CLASRP: variants seen among roughly 807,000 people sequenced by gnomAD.
CLASRP encodes CLK4-associating serine/arginine rich protein.
CLASRP carries 52 observed loss-of-function variants against 99.9 expected under a neutral mutation model. That is an observed-to-expected ratio of 0.52 (90% CI 0.42 to 0.66). The LOEUF (loss-of-function observed/expected upper bound fraction) is 0.66, where lower values mean the gene tolerates loss of function less well. Ranked by LOEUF, CLASRP falls within the 30% of genes least tolerant of loss-of-function variation. The pLI is 0.00. For missense variants in CLASRP, 848 were observed against 999.2 expected (o/e 0.85, Z 2.04); for synonymous variants, 379 against 373.0 (o/e 1.02, Z -0.18).
rs550707089 is a variant in CLASRP at position 45,046,749 on chromosome 19, C to G, written c.100-5322C>G. Among the ~76,000 whole-genome samples, 154 of 152,306 alleles carry G rather than the reference C, an allele frequency of 1.0e-3. 1 individual carries two copies. Among genetic ancestry groups the G allele is most frequent in the African/African-American group, 3.6e-3 (149 of 41,560 alleles). ...CAGTGGTTAAGAGTTGGTTTTGGGC[C>G]GGGCGCGGTAGCTCACGCCTGTAAT... On this transcript the variant is annotated intron_variant, in intron 2 of 20. Coordinates refer to ENST00000221455, the MANE Select transcript of CLASRP (RefSeq NM_007056.3).
At chr19:45,070,175 AC>A in intron 19 of CLASRP, 71 bp downstream of exon 19, 1 of 1,026,018 alleles carries the variant, frequency 9.7e-7, no homozygotes, top group South Asian at 1.3e-5. Flanking sequence ...TACCAAAAAA[AC>A]CATAGTACAG....
In CLASRP at chr19:45,069,116, G is replaced by A. The variant is rs1359285581; in HGVS notation, c.1819G>A (p.Glu607Lys). Residue 607 changes from glutamate to lysine, a missense_variant, in exon 17 of 21, where the codon GAG becomes AAG. Glu to Lys is a moderately conservative substitution (Grantham distance 56). Coordinates refer to ENST00000221455, the MANE Select transcript of CLASRP (RefSeq NM_007056.3). ...AQEKMIQQEH[E>K]RQEREDELRA... ...AGAAAAGATGATCCAGCAGGAGCATGAGCGGCAGGTGAAGTGGGAAAGGGA... is the reference window on the plus strand; with the variant it reads ...AGAAAAGATGATCCAGCAGGAGCATAAGCGGCAGGTGAAGTGGGAAAGGGA... 7 of 1,614,076 alleles carry A rather than the reference G, an allele frequency of 4.3e-6. No individual in the cohort carries two copies. The highest frequency in any genetic ancestry group is 1.3e-5 in the African/African-American group (1 of 74,944).
rs58669276 is a variant in CLASRP, at chr19:45,043,195, T to TTGTGTGTGTGTGTGTG, written c.99+2910_99+2925dup. ...CCAAGCACTTCAGATAAGGAATACT[T>TTGTGTGTGTGTGTGTG]TGTGTGTGTGTGTGTGTGTGTGTGT... is the stretch of plus-strand genomic sequence containing the variant. On this transcript the variant is annotated intron_variant, in intron 2 of 20. Coordinates refer to ENST00000221455, the MANE Select transcript of CLASRP (RefSeq NM_007056.3). Among the ~76,000 whole-genome samples, 48 of 134,748 alleles carry TTGTGTGTGTGTGTGTG rather than the reference T, an allele frequency of 3.6e-4. No homozygotes were observed. In the Middle Eastern group the frequency reaches 0.026, roughly 72 times the overall value. The allele number at this position is 134,748 out of a possible 152,430, so 88.4% of individuals were successfully genotyped here.
At position 45,052,891 on chromosome 19, in the gene CLASRP, A is replaced by G. The variant is rs758810153; in HGVS notation, c.298A>G (p.Ile100Val). The change falls in exon 4 of 21, where the codon ATC becomes GTC. Residue 100 changes from isoleucine to valine, a missense_variant and splice_region_variant. Around this residue, in one of 8 missense-constraint regions of CLASRP, gnomAD observed 54 missense variants for 38.7 expected, o/e 1.39. Transcript: ENST00000221455. ...PDYTPPLLTT[I>V]SPEQESDERK... ...CTACACCCCCCCTCTGCTCACCACC[A>G]TGTAAGCCACCTCCCAGGGGGTTGC... 1 of 1,601,712 alleles carries G rather than the reference A, an allele frequency of 6.2e-7. No individual in the cohort carries two copies. The highest frequency in any genetic ancestry group is 8.5e-7 in the Non-Finnish European group (1 of 1,175,036).
chr19:45,053,018 A>T (rs1183609736), intron 4 of CLASRP, 80 bp from the exon 5 acceptor site: 5 of 1,551,262 alleles, frequency 3.2e-6, no homozygotes, highest in Non-Finnish European at 4.4e-6. Context: ...CCTGAGGGGG[A>T]TGCCTCATTT....
intron 2 of CLASRP, among the ~76,000 whole-genome samples, chr19:45,048,319 G>A (rs1182745172): frequency 6.7e-6 from 1 of 150,330 alleles, no homozygotes; most frequent in Non-Finnish European, 1.5e-5. Context: ...GGTGGATCAC[G>A]AGGTCAGGAG....
At position 45,067,517 on chromosome 19, in the gene CLASRP, G is replaced by T; in HGVS notation, c.1590G>T (p.Gln530His). ...QSRSRSRSRS[Q>H]SPSPSPAREK... ...GCAGCCGCAGCCGCAGCCGCAGCCA[G>T]AGCCCCTCGCCATCACCCGCAAGAG... The change falls in exon 14 of 21, where the codon CAG becomes CAT. Residue 530 changes from glutamine to histidine, a missense_variant. Gln to His is a conservative substitution (Grantham distance 24). Transcript: ENST00000221455. The surrounding 1 kb of genome is among the most constrained non-coding windows in gnomAD (Gnocchi z 4.9). 6.3e-7 allele frequency: 1 copy of T among 1,598,414 alleles called. No homozygotes were observed.
In CLASRP at chr19:45,067,600, C is replaced by G; in HGVS notation, c.1667+6C>G. ...GTGGGCGAGAAGCTGAAAAAGTGAG[C>G]GGGGCGGGTCTGGAGGAAGAGGGCT... is the stretch of plus-strand genomic sequence containing the variant. On this transcript the variant is annotated splice_donor_region_variant and intron_variant, in intron 14 of 20. Coordinates refer to ENST00000221455, the MANE Select transcript of CLASRP (RefSeq NM_007056.3). This position sits in a 1 kb window ranked among gnomAD's most constrained non-coding sequence, Gnocchi z 4.9. The G allele has an allele frequency of 6.3e-7, 1 of 1,583,614 alleles. No individual in the cohort carries two copies. The highest frequency in any genetic ancestry group is 1.1e-5 in the South Asian group (1 of 88,626).
In CLASRP at chr19:45,067,677, C is replaced by T. The variant is rs1207515302; in HGVS notation, c.1667+83C>T. ...ATCACTGTTTTCTTTTTGAGGGGAA[C>T]TTAGCCCTACCCTGGGAGGTCTGGG... On this transcript the variant is annotated intron_variant, in intron 14 of 20. Coordinates refer to ENST00000221455, the MANE Select transcript of CLASRP (RefSeq NM_007056.3). The surrounding 1 kb of genome is among the most constrained non-coding windows in gnomAD (Gnocchi z 4.9). 2.3e-6 allele frequency: 3 copies of T among 1,306,978 alleles called. No homozygotes were observed. The highest frequency in any genetic ancestry group is 3.1e-6 in the Non-Finnish European group (3 of 954,978). 81.0% of individuals were successfully genotyped at this position (1,306,978 alleles called of 1,614,324 possible).
At chr19:45,061,731 C>G (rs970037425) in intron 10 of CLASRP, among the ~76,000 whole-genome samples, 1 of 152,116 alleles carries the variant, frequency 6.6e-6, no homozygotes, top group South Asian at 2.1e-4. Flanking sequence ...ACCTCAGCCT[C>G]CCAGAGTGCT....
At chr19:45,046,901 C>G (rs1345569125) in intron 2 of CLASRP, among the ~76,000 whole-genome samples, 1 of 152,140 alleles carries the variant, frequency 6.6e-6, no homozygotes, top group Non-Finnish European at 1.5e-5. Flanking sequence ...GTGGCACATG[C>G]CTGCAGTTCC....
intron 12 of CLASRP, 26 bp downstream of exon 12, chr19:45,064,253 C>T (rs1331888885): frequency 1.3e-6 from 2 of 1,554,660 alleles, no homozygotes; most frequent in Admixed American, 1.9e-5. Context: ...GCCGCCCGCC[C>T]TACGCCCCGG....
chr19:45,048,342 C>A (rs1201778772), intron 2 of CLASRP, among the ~76,000 whole-genome samples: 1 of 150,460 alleles, frequency 6.6e-6, no homozygotes, highest in Non-Finnish European at 1.5e-5. Context: ...CGAGACCAGC[C>A]TGGCCAACAT....
chr19:45,053,609 G>C (rs1439338433), intron 5 of CLASRP, among the ~76,000 whole-genome samples: 1 of 152,048 alleles, frequency 6.6e-6, no homozygotes, highest in Non-Finnish European at 1.5e-5. Context: ...CTCCTGAGTA[G>C]CTGGGATTAC....
At position 45,067,133 on chromosome 19, in the gene CLASRP, T is replaced by C. The variant is rs1413413011; in HGVS notation, c.1410-204T>C. On this transcript the variant is annotated intron_variant, in intron 13 of 20. Transcript: ENST00000221455. This position sits in a 1 kb window ranked among gnomAD's most constrained non-coding sequence, Gnocchi z 4.9. ...ATGGCAGGACTGCCCTTAGGCTGAG[T>C]GTATCTAGAGCGCCATCTCTGTAGC... Among the ~76,000 whole-genome samples, 1 of 152,026 alleles carries C rather than the reference T, an allele frequency of 6.6e-6. No individual in the cohort carries two copies. The highest frequency in any genetic ancestry group is 1.5e-5 in the Non-Finnish European group (1 of 67,994).
chr19:45,062,400 C>T (rs575042571), intron 11 of CLASRP, among the ~76,000 whole-genome samples: 12 of 152,148 alleles, frequency 7.9e-5, no homozygotes, highest in Non-Finnish European at 1.0e-4. Flanking sequence ...TTTTTTGAGA[C>T]GGAGTCTCGC....
chr19:45,059,395 T>C (rs766107907), intron 8 of CLASRP, 31 bp downstream of exon 8: 8 of 1,523,802 alleles, frequency 5.3e-6, no homozygotes, highest in Non-Finnish European at 6.3e-6. Context: ...CCCCTACCCA[T>C]TCTGTGGGCC....
intron 11 of CLASRP, among the ~76,000 whole-genome samples, chr19:45,062,757 A>AT (rs1340240268): frequency 3.1e-4 from 47 of 152,334 alleles, no homozygotes; most frequent in African/African-American, 1.0e-3. Flanking sequence ...TGTGGTAAAA[A>AT]TGACCAAATA....
Position 45,040,272 on chromosome 19 carries a change from G to A in CLASRP, c.60G>A (p.Lys20=). The A allele has an allele frequency of 6.2e-7, 1 of 1,612,402 alleles. No individual in the cohort carries two copies. Among genetic ancestry groups the A allele is most frequent in the Non-Finnish European group, 8.5e-7 (1 of 1,179,556 alleles). Residue 20 remains lysine (K), a synonymous_variant, in exon 2 of 21, where the codon AAG becomes AAA. Coordinates refer to ENST00000221455, the MANE Select transcript of CLASRP (RefSeq NM_007056.3). The part of the protein sequence containing the change: ...RKLRGMMVDY[K]KRAERRREYY... Reference sequence around the variant, plus strand: ...TTCGAGGCATGATGGTCGACTACAAGAAGAGGGCGGAGCGGAGACGGGAGT... The same window carrying A: ...TTCGAGGCATGATGGTCGACTACAAAAAGAGGGCGGAGCGGAGACGGGAGT...
Sources: gnomAD v4.1 joint callset for allele counts (sites outside exome capture counted in the v4.1 genomes callset) on GRCh38, gnomAD v4.1.1 for gene constraint, gnomAD v4.1.1 regional missense constraint, Gnocchi (gnomAD v3.1) non-coding constraint, MANE v1.5 for transcripts, NCBI Gene and HGNC (gene_info 2026-07-23, HGNC 2026-07-21) for gene names.